MRPS15: variants seen among roughly 807,000 people sequenced by gnomAD.
MRPS15 encodes the protein mitochondrial ribosomal protein S15.
In MRPS15, 25 loss-of-function variants were observed where a neutral mutation model predicts 30.7. That is an observed-to-expected ratio of 0.81 (90% confidence interval 0.59 to 1.14). The LOEUF (loss-of-function observed/expected upper bound fraction) is 1.14. Ranked by LOEUF, MRPS15 falls within the 50% of genes most tolerant of loss-of-function variation. MRPS15 has a pLI of 0.00. For synonymous variants in MRPS15, 124 were observed against 120.1 expected, an observed-to-expected ratio of 1.03 and a Z score of -0.21; for missense variants, 313 against 321.7, an observed-to-expected ratio of 0.97 and a Z score of 0.21.
At chr1:36,463,129 A>AT (rs1447354710) in intron 2 of MRPS15, among the ~76,000 whole-genome samples, 5 of 147,622 alleles carry the variant, frequency 3.4e-5, no homozygotes, top group South Asian at 2.1e-4. Context: ...CACCTGGCTA[A>AT]TTTTTTTCTG....
chr1:36,463,727 G>T, intron 2 of MRPS15, 79 bp downstream of exon 2: 3 of 1,512,086 alleles, frequency 2.0e-6, no homozygotes, highest in Non-Finnish European at 2.7e-6. Context: ...GCTCTAATTC[G>T]CCACATCGGT....
chr1:36,459,974 T>C (rs570015362), intron 5 of MRPS15, among the ~76,000 whole-genome samples: 78 of 152,350 alleles, frequency 5.1e-4, no homozygotes, highest in African/African-American at 1.8e-3. Flanking sequence ...GAATGCACCA[T>C]GGTGTCTGTC....
Position 36,460,735 on chromosome 1 carries a change from C to G in MRPS15, c.342G>C (p.Lys114Asn), listed in dbSNP as rs943700180. 2 of 1,614,166 alleles carry G rather than the reference C, an allele frequency of 1.2e-6. No homozygotes were observed. Among genetic ancestry groups the G allele is most frequent in the African/African-American group, 1.3e-5 (1 of 75,050 alleles). ...LKIKQEQFMK[K>N]IVANPEDTRS... The stretch of plus-strand genomic sequence containing the variant: ...TGGTGTCCTCTGGGTTTGCAACAAT[C>G]TTCTTCATAAACTGTTCTTGCTTGA... The change falls in exon 5 of 8, where the codon AAG becomes AAC. Residue 114 changes from lysine to asparagine, a missense_variant. Physicochemically the swap from Lys to Asn is moderately conservative, Grantham distance 94. Coordinates refer to ENST00000373116, the MANE Select transcript of MRPS15 (RefSeq NM_031280.4).
Position 36,458,091 on chromosome 1 carries a change from A to G in MRPS15, c.386-110T>C. 2 of 842,430 alleles carry G rather than the reference A, an allele frequency of 2.4e-6. No homozygotes were observed. The highest frequency in any genetic ancestry group is 1.7e-5 in the African/African-American group (1 of 59,244). The allele number at this position is 842,430 out of a possible 1,614,324, so 52.2% of individuals were successfully genotyped here. On this transcript the variant is annotated intron_variant, in intron 5 of 7. Coordinates refer to ENST00000373116, the MANE Select transcript of MRPS15 (RefSeq NM_031280.4). This position sits in a 1 kb window ranked among gnomAD's most constrained non-coding sequence, Gnocchi z 4.5. Reference sequence around the variant, plus strand: ...AATAACAATCACCAATGCTCTGTACAGCTCTCTATAAATCCCAAATCACTC... The same window carrying G: ...AATAACAATCACCAATGCTCTGTACGGCTCTCTATAAATCCCAAATCACTC...
chr1:36,456,427 T>A, intron 6 of MRPS15, 49 bp from the exon 7 acceptor site: 4 of 1,437,686 alleles, frequency 2.8e-6, no homozygotes, highest in Non-Finnish European at 3.7e-6. Context: ...GTTACTGTTG[T>A]TCACAGTAAC....
intron 1 of MRPS15, 74 bp downstream of exon 1, chr1:36,464,072 C>T (rs2275473): frequency 0.19 from 306,811 of 1,577,084 alleles, 31,175 homozygotes; most frequent in East Asian, 0.3. Flanking sequence ...TCCCCTACTC[C>T]TGTGCTTCCT....
chr1:36,462,228 C>G, intron 2 of MRPS15, 65 bp from the exon 3 acceptor site: 1 of 1,292,580 alleles, frequency 7.7e-7, no homozygotes, highest in Non-Finnish European at 1.1e-6. Context: ...CCTCCCAGAC[C>G]TGGCTCTTTT....
At chr1:36,464,117 G>C in intron 1 of MRPS15, 29 bp downstream of exon 1, 1 of 1,576,298 alleles carries the variant, frequency 6.3e-7, no homozygotes, top group Non-Finnish European at 8.6e-7. Context: ...GTTTCCCTAC[G>C]CCCGCCGTCC....
intron 2 of MRPS15, among the ~76,000 whole-genome samples, chr1:36,462,462 T>C (rs755326660): frequency 7.9e-5 from 12 of 152,192 alleles, no homozygotes; most frequent in Non-Finnish European, 1.8e-4. Flanking sequence ...CTCCTGTGGA[T>C]AGGACAGAGT....
At chr1:36,463,003 C>T (rs1650128088) in intron 2 of MRPS15, among the ~76,000 whole-genome samples, 1 of 151,948 alleles carries the variant, frequency 6.6e-6, no homozygotes, top group African/African-American at 2.4e-5. Context: ...CTCGCTCTGT[C>T]ACCCAGGCTG....
intron 6 of MRPS15, among the ~76,000 whole-genome samples, chr1:36,457,045 G>A (rs1166689226): frequency 6.6e-6 from 1 of 152,200 alleles, no homozygotes; most frequent in Non-Finnish European, 1.5e-5. Flanking sequence ...AGGAGGCCGA[G>A]GTGGGGAGAT....
chr1:36,456,542 A>G (rs1649998985), intron 6 of MRPS15, 164 bp from the exon 7 acceptor site: 1 of 695,870 alleles, frequency 1.4e-6, no homozygotes. Context: ...CATTTTACAG[A>G]TGAGAAAACA....
intron 1 of MRPS15, 131 bp downstream of exon 1, chr1:36,464,015 C>A: frequency 6.6e-7 from 1 of 1,512,860 alleles, no homozygotes; most frequent in South Asian, 1.3e-5. Context: ...TGTTTCACCT[C>A]TTGCGCAACC....
rs200018980 is a variant in MRPS15 at position 36,462,126 on chromosome 1, C to T, written c.213G>A (p.Thr71=). The T allele has an allele frequency of 2.7e-4, 439 of 1,613,168 alleles. 2 individuals carry two copies. In the South Asian group the frequency reaches 4.0e-3, roughly 15 times the overall value. The part of the protein sequence containing the change: ...SRLDDDPPPS[T]LLKDYQNVPG... ...GGACATTCTGGTAGTCTTTGAGCAGCGTAGAGGGAGGTGGGTCATCATCCA... is the reference window on the plus strand; with the variant it reads ...GGACATTCTGGTAGTCTTTGAGCAGTGTAGAGGGAGGTGGGTCATCATCCA... The change falls in exon 3 of 8, where the codon ACG becomes ACA. Residue 71 remains threonine (T), a synonymous_variant. Transcript: ENST00000373116.
chr1:36,456,098 C>G (rs930202336), intron 7 of MRPS15, 89 bp downstream of exon 7: 10 of 1,510,736 alleles, frequency 6.6e-6, no homozygotes, highest in Non-Finnish European at 8.9e-6. Flanking sequence ...AGTTCCATGC[C>G]TCTAACAGAA....
At chr1:36,457,886 T>C (rs771326711) in intron 6 of MRPS15, 37 bp downstream of exon 6, 5 of 1,604,056 alleles carry the variant, frequency 3.1e-6, no homozygotes, top group Non-Finnish European at 4.3e-6. Flanking sequence ...TCCCCCAGGC[T>C]GCTGCTGTTT....
At chr1:36,463,033 G>A (rs1570571107) in intron 2 of MRPS15, among the ~76,000 whole-genome samples, 1 of 152,010 alleles carries the variant, frequency 6.6e-6, no homozygotes. Flanking sequence ...GGCACGATCG[G>A]CTCACTGCAA....
At chr1:36,461,185 T>G in intron 4 of MRPS15, 79 bp downstream of exon 4, 1 of 1,312,514 alleles carries the variant, frequency 7.6e-7, no homozygotes. Flanking sequence ...AAGCATGAGA[T>G]GCGGGGTGCT....
intron 5 of MRPS15, among the ~76,000 whole-genome samples, chr1:36,460,059 A>G (rs969165997): frequency 1.3e-5 from 2 of 152,142 alleles, no homozygotes; most frequent in Non-Finnish European, 2.9e-5. Flanking sequence ...TGCCCAGGCG[A>G]GAGTGCAGTG....
Sources: allele counts gnomAD v4.1 joint callset (sites outside exome capture counted in the v4.1 genomes callset), GRCh38; gene constraint gnomAD v4.1.1; non-coding constraint Gnocchi (gnomAD v3.1); transcripts MANE v1.5; gene names NCBI Gene and HGNC (gene_info 2026-07-23, HGNC 2026-07-21).